Variants in GSK3B observed in about 807,000 individuals in gnomAD.
GSK3B encodes the protein glycogen synthase kinase 3 beta.
In GSK3B, 15 loss-of-function variants were observed where a neutral mutation model predicts 56.4. That is an observed-to-expected ratio of 0.27 (90% CI 0.18 to 0.41). The LOEUF is 0.41. Among genes scored for constraint, GSK3B ranks in the 10% least tolerant of loss-of-function variants. GSK3B has a pLI of 1.00. For synonymous variants in GSK3B, 181 were observed against 188.9 expected (o/e 0.96, Z 0.34); for missense variants, 300 against 513.4 (o/e 0.58, Z 4.02).
chr3:120,080,204 T>C (rs1026833039), intron 1 of GSK3B, among the ~76,000 whole-genome samples: 61 of 152,004 alleles, frequency 4.0e-4, no homozygotes, highest in African/African-American at 1.4e-3. Flanking sequence ...GGTGGGAGGA[T>C]TGCTTGAGCC....
chr3:119,995,407 T>G (rs890326678), intron 2 of GSK3B, among the ~76,000 whole-genome samples: 3 of 151,970 alleles, frequency 2.0e-5, no homozygotes, highest in Non-Finnish European at 2.9e-5. Flanking sequence ...TATTTGGAAA[T>G]CTGGATAAAA....
intron 7 of GSK3B, among the ~76,000 whole-genome samples, chr3:119,896,219 A>G (rs907589852): frequency 2.0e-5 from 3 of 152,108 alleles, no homozygotes; most frequent in Admixed American, 1.3e-4. Flanking sequence ...AAAAATTTAT[A>G]CTTGGAAACA....
chr3:119,869,444 G>C (rs999903628), intron 8 of GSK3B, among the ~76,000 whole-genome samples: 7 of 152,092 alleles, frequency 4.6e-5, no homozygotes, highest in African/African-American at 1.7e-4. Context: ...TACACAAACT[G>C]AATTCAGCTC....
intron 8 of GSK3B, among the ~76,000 whole-genome samples, chr3:119,872,456 C>T (rs1022145343): frequency 6.6e-6 from 1 of 152,026 alleles, no homozygotes; most frequent in African/African-American, 2.4e-5. Flanking sequence ...CTAAATTTTC[C>T]TAAAGGCTAT....
chr3:120,001,205 C>CA (rs2057673552), intron 2 of GSK3B, among the ~76,000 whole-genome samples: 1 of 151,850 alleles, frequency 6.6e-6, no homozygotes, highest in Admixed American at 6.6e-5. Context: ...AGTGAGTTCC[C>CA]ACTCAGTTAG....
chr3:119,923,294 T>C (rs774891979), intron 4 of GSK3B, 79 bp downstream of exon 4: 3 of 704,712 alleles, frequency 4.3e-6, no homozygotes, highest in South Asian at 1.7e-5. Context: ...TACAATAATA[T>C]AGTTAAAACA....
chr3:119,912,228 A>C (rs2056741400), intron 6 of GSK3B, among the ~76,000 whole-genome samples: 1 of 152,152 alleles, frequency 6.6e-6, no homozygotes, highest in Non-Finnish European at 1.5e-5. Flanking sequence ...CAGCTGGTGG[A>C]ATATTCATAA....
intron 2 of GSK3B, among the ~76,000 whole-genome samples, chr3:119,972,217 A>G (rs2057373962): frequency 6.6e-6 from 1 of 152,364 alleles, no homozygotes; most frequent in African/African-American, 2.4e-5. Context: ...AAGAAATTTC[A>G]AGGTACAACA....
chr3:119,981,629 G>A (rs1425130122), intron 2 of GSK3B, among the ~76,000 whole-genome samples: 1 of 152,276 alleles, frequency 6.6e-6, no homozygotes, highest in Non-Finnish European at 1.5e-5. Flanking sequence ...TCAGGCGGCA[G>A]CCTGGCTGGG....
intron 2 of GSK3B, among the ~76,000 whole-genome samples, chr3:119,950,663 G>C (rs143114735): frequency 5.4e-4 from 82 of 152,274 alleles, no homozygotes; most frequent in African/African-American, 1.8e-3. Flanking sequence ...AATGATGACA[G>C]TAGCAAATCT....
At chr3:119,940,141 T>C (rs1439227787) in intron 3 of GSK3B, among the ~76,000 whole-genome samples, 2 of 151,506 alleles carry the variant, frequency 1.3e-5, no homozygotes, top group African/African-American at 4.9e-5. Context: ...TGTATACACA[T>C]GGTGTATATA....
chr3:119,939,011 C>A (rs753219775), intron 3 of GSK3B, among the ~76,000 whole-genome samples: 1 of 148,472 alleles, frequency 6.7e-6, no homozygotes. Flanking sequence ...AATTAAAATA[C>A]AAGAAAAATG....
rs370802263 is a variant in GSK3B at position 120,032,535 on chromosome 3, C to T, written c.89-30296G>A. Among the ~76,000 whole-genome samples the T allele has an allele frequency of 1.3e-4, 19 of 151,976 alleles. No individual in the cohort carries two copies. The East Asian group carries it at 1.9e-3, about 15-fold the overall frequency. On this transcript the variant is annotated intron_variant, in intron 1 of 10. Coordinates refer to ENST00000264235, the MANE Select transcript of GSK3B (RefSeq NM_001146156.2). Reference sequence around the variant, plus strand: ...TTTTTAAAAAGTGGCTCTTATAAGGCGGGAGCAGTGGCATGTTCCTGTAGT... The same window carrying T: ...TTTTTAAAAAGTGGCTCTTATAAGGTGGGAGCAGTGGCATGTTCCTGTAGT...
chr3:120,085,820 AG>A (rs1165834732), intron 1 of GSK3B, among the ~76,000 whole-genome samples: 3 of 152,180 alleles, frequency 2.0e-5, no homozygotes, highest in Non-Finnish European at 4.4e-5. Context: ...AAAAAAAAAA[AG>A]TATTAACTAA....
rs773032815 is a variant in GSK3B at position 120,079,347 on chromosome 3, CACATTTT to C, written c.88+13993_88+13999del. ...ACACACACACACACACACACACACA[CACATTTT>C]TTTTTTTAATAAGTAGACTACTGCC... On this transcript the variant is annotated intron_variant, in intron 1 of 10. Coordinates refer to ENST00000264235, the MANE Select transcript of GSK3B (RefSeq NM_001146156.2). Among the ~76,000 whole-genome samples, 5 of 96,204 alleles carry C rather than the reference CACATTTT, an allele frequency of 5.2e-5. No homozygotes were observed. The South Asian group carries it at 1.9e-3, about 36-fold the overall frequency. 63.1% of individuals were successfully genotyped at this position (96,204 alleles called of 152,430 possible). A position where few individuals can be genotyped will look rare whatever the true frequency, so the allele number is the denominator to read the frequency against.
chr3:119,995,248 C>T (rs557316403), intron 2 of GSK3B, among the ~76,000 whole-genome samples: 4 of 151,590 alleles, frequency 2.6e-5, no homozygotes, highest in East Asian at 1.9e-4. Flanking sequence ...GTAGGAGAAT[C>T]GCTAAAGCCT....
rs1273395610 is a variant in GSK3B at position 119,916,039 on chromosome 3, C to T, written c.608+5G>A. 9 of 1,609,216 alleles carry T rather than the reference C, an allele frequency of 5.6e-6. No individual in the cohort carries two copies. Among genetic ancestry groups the T allele is most frequent in the African/African-American group, 5.3e-5 (4 of 74,832 alleles). ...GAAGGGGCAGGGAGAGGGACAGTAG[C>T]TTACCTTCCAAAGTCACAGAGTTTT... On this transcript the variant is annotated splice_donor_5th_base_variant and intron_variant, in intron 5 of 10. Coordinates refer to ENST00000264235, the MANE Select transcript of GSK3B (RefSeq NM_001146156.2).
chr3:120,083,961 T>C (rs2058443096), intron 1 of GSK3B, among the ~76,000 whole-genome samples: 1 of 152,210 alleles, frequency 6.6e-6, no homozygotes, highest in Non-Finnish European at 1.5e-5. Flanking sequence ...AGTGGTTGCC[T>C]AGAGCTGTGG....
intron 10 of GSK3B, among the ~76,000 whole-genome samples, chr3:119,837,643 T>C (rs1432953275): frequency 2.6e-5 from 4 of 151,988 alleles, no homozygotes; most frequent in South Asian, 4.1e-4. Flanking sequence ...TTTATGCTGA[T>C]GACCAATATA....
Sources: gnomAD v4.1 joint callset for allele counts (sites outside exome capture counted in the v4.1 genomes callset) on GRCh38, gnomAD v4.1.1 for gene constraint, MANE v1.5 for transcripts, NCBI Gene and HGNC (gene_info 2026-07-23, HGNC 2026-07-21) for gene names.